Variants in ROPN1L observed in about 807,000 individuals in gnomAD.
The protein encoded by ROPN1L is ropporin-1-like protein.
ROPN1L carries 23 observed loss-of-function variants against 22.7 expected under a neutral mutation model. That is an observed-to-expected ratio of 1.01 (90% confidence interval 0.73 to 1.43). The LOEUF (loss-of-function observed/expected upper bound fraction) is 1.43. ROPN1L is among the 40% of genes most tolerant of loss of function. The pLI is 0.00. For missense variants in ROPN1L, 271 were observed against 291.5 expected, an observed-to-expected ratio of 0.93 and a Z score of 0.51; for synonymous variants, 116 against 117.8, an observed-to-expected ratio of 0.98 and a Z score of 0.10.
At chr5:10,475,269 C>T (rs904394198), downstream of ROPN1L, among the ~76,000 whole-genome samples, 1 of 152,214 alleles carries the variant, frequency 6.6e-6, no homozygotes, top group South Asian at 2.1e-4. Flanking sequence ...AAGGGGATTT[C>T]TCTGGGTGTA....
intron 4 of ROPN1L, among the ~76,000 whole-genome samples, chr5:10,463,271 G>A (rs1735075926): frequency 6.6e-6 from 1 of 152,222 alleles, no homozygotes; most frequent in Admixed American, 6.5e-5. Context: ...AAGATGCAGA[G>A]TAAAAAGGAA....
At chr5:10,474,050 G>T (rs1207085570), downstream of ROPN1L, among the ~76,000 whole-genome samples, 1 of 151,990 alleles carries the variant, frequency 6.6e-6, no homozygotes. Flanking sequence ...TACTCAGGAG[G>T]CTGAGGCACA....
downstream of ROPN1L, among the ~76,000 whole-genome samples, chr5:10,467,661 A>C (rs1024517542): frequency 1.2e-4 from 19 of 152,222 alleles, no homozygotes; most frequent in Non-Finnish European, 1.5e-5. Flanking sequence ...CTGCTACCTG[A>C]GGAGATTTTA....
In ROPN1L at chr5:10,442,133, G is replaced by C; in HGVS notation, c.-35G>C. ...CCGCCCTTCTTCCTCGCAGCGCGCC[G>C]CGATTCACCAGCCTGGTCCCTTCTG... On this transcript the variant is annotated 5_prime_UTR_variant, in exon 1 of 5. Transcript: ENST00000274134. 6.3e-7 allele frequency: 1 copy of C among 1,586,072 alleles called. No individual in the cohort carries two copies. The highest frequency in any genetic ancestry group is 8.6e-7 in the Non-Finnish European group (1 of 1,159,034).
At chr5:10,474,285 C>T (rs1489206506), downstream of ROPN1L, among the ~76,000 whole-genome samples, 3 of 152,184 alleles carry the variant, frequency 2.0e-5, no homozygotes, top group African/African-American at 4.8e-5. Flanking sequence ...ATTGAATCTC[C>T]TTCCTTGAGT....
chr5:10,464,208 C>G (rs1295546862), intron 4 of ROPN1L, among the ~76,000 whole-genome samples: 1 of 152,208 alleles, frequency 6.6e-6, no homozygotes, highest in Middle Eastern at 3.2e-3. Context: ...TTTCCTCCTT[C>G]CTCTGTCATC....
At chr5:10,444,510 C>G (rs536994463) in intron 1 of ROPN1L, among the ~76,000 whole-genome samples, 1 of 150,382 alleles carries the variant, frequency 6.6e-6, no homozygotes, top group Non-Finnish European at 1.5e-5. Context: ...AGGCTAGTCT[C>G]GAACTCCTGA....
Position 10,448,388 on chromosome 5 carries a change from G to C in ROPN1L, c.255+5G>C, listed in dbSNP as rs757945543. On this transcript the variant is annotated splice_donor_5th_base_variant and intron_variant, in intron 2 of 4. Transcript: ENST00000274134. ...CTGAAAGTTTTGCACAAGCAGGTATGGGGGGGCGTAGTCTCTGGCCTCAGG... is the reference window on the plus strand; with the variant it reads ...CTGAAAGTTTTGCACAAGCAGGTATCGGGGGGCGTAGTCTCTGGCCTCAGG... 2.4e-5 allele frequency: 39 copies of C among 1,613,594 alleles called. No individual in the cohort carries two copies. The highest frequency in any genetic ancestry group is 1.7e-4 in the Middle Eastern group (1 of 6,034).
At chr5:10,473,085 C>T (rs1012556976), downstream of ROPN1L, among the ~76,000 whole-genome samples, 3 of 152,216 alleles carry the variant, frequency 2.0e-5, no homozygotes, top group African/African-American at 7.2e-5. Flanking sequence ...TCCAGGCTTA[C>T]ACAATATCAG....
At chr5:10,474,570 G>A (rs974999261), downstream of ROPN1L, among the ~76,000 whole-genome samples, 12 of 152,224 alleles carry the variant, frequency 7.9e-5, no homozygotes, top group Admixed American at 7.9e-4. Context: ...CCAATGACCT[G>A]GATGAGTTGG....
At chr5:10,455,631 C>A (rs1741393234) in intron 3 of ROPN1L, among the ~76,000 whole-genome samples, 1 of 152,240 alleles carries the variant, frequency 6.6e-6, no homozygotes, top group Non-Finnish European at 1.5e-5. Flanking sequence ...GGATATCACA[C>A]CCCAGCCACG....
At chr5:10,451,009 T>A (rs1382469384) in intron 3 of ROPN1L, among the ~76,000 whole-genome samples, 1 of 152,206 alleles carries the variant, frequency 6.6e-6, no homozygotes, top group Non-Finnish European at 1.5e-5. Flanking sequence ...GCTAAAGTCT[T>A]GCTGTGAGAC....
intron 4 of ROPN1L, among the ~76,000 whole-genome samples, chr5:10,464,298 C>A (rs1386089766): frequency 6.6e-6 from 1 of 152,202 alleles, no homozygotes; most frequent in Non-Finnish European, 1.5e-5. Context: ...ATTCTTGACA[C>A]CATCCTGGCT....
chr5:10,474,447 G>T (rs1170911163), downstream of ROPN1L, among the ~76,000 whole-genome samples: 1 of 152,194 alleles, frequency 6.6e-6, no homozygotes, highest in Non-Finnish European at 1.5e-5. Context: ...TCACTGCGAG[G>T]GCACCAGGTG....
At position 10,442,200 on chromosome 5, in the gene ROPN1L, G is replaced by C; in HGVS notation, c.33G>C (p.Gln11His). 1 of 1,613,830 alleles carries C rather than the reference G, an allele frequency of 6.2e-7. No homozygotes were observed. The highest frequency in any genetic ancestry group is 8.5e-7 in the Non-Finnish European group (1 of 1,179,898). ...TTCCCGACACCATGTTCTGCGCTCAGCAGATCCACATTCCCCCGGAGCTGC... is the reference window on the plus strand; with the variant it reads ...TTCCCGACACCATGTTCTGCGCTCACCAGATCCACATTCCCCCGGAGCTGC... MPLPDTMFCAQQIHIPPELPD... is the reference protein window; with the variant it reads MPLPDTMFCAHQIHIPPELPD... The change falls in exon 1 of 5, where the codon CAG (glutamine) becomes CAC (histidine). Residue 11 changes from glutamine to histidine, a missense_variant. Physicochemically the swap from Gln to His is conservative, Grantham distance 24 (BLOSUM62 0). Transcript: ENST00000274134.
chr5:10,477,153 C>G, the ROPN1L span, among the ~76,000 whole-genome samples: 2 of 152,198 alleles, frequency 1.3e-5, no homozygotes, highest in African/African-American at 2.4e-5. Flanking sequence ...AAATATTTTT[C>G]TTTTTGAACT....
chr5:10,444,407 C>A (rs2126425506), intron 1 of ROPN1L, among the ~76,000 whole-genome samples: 2 of 152,214 alleles, frequency 1.3e-5, no homozygotes, highest in South Asian at 4.1e-4. Flanking sequence ...TCTCCTGCCT[C>A]AGCCTCCCAA....
rs770587892 is a variant in ROPN1L at position 10,448,222 on chromosome 5, G to A, written c.132-38G>A. 6 of 1,610,262 alleles carry A rather than the reference G, an allele frequency of 3.7e-6. No individual in the cohort carries two copies. In the South Asian group the frequency reaches 5.5e-5, roughly 15 times the overall value. On this transcript the variant is annotated intron_variant, in intron 1 of 4. Transcript: ENST00000274134. ...ATTGGATCGCATAGCTGTTTTTTGTGTATTGATGAGCTTTCAGAGATGTCT... is the reference window on the plus strand; with the variant it reads ...ATTGGATCGCATAGCTGTTTTTTGTATATTGATGAGCTTTCAGAGATGTCT...
intron 1 of ROPN1L, 24 bp downstream of exon 1, chr5:10,442,322 C>T: frequency 1.2e-6 from 2 of 1,610,530 alleles, no homozygotes; most frequent in Non-Finnish European, 1.7e-6. Flanking sequence ...GCCCGGGGAG[C>T]TGTCCGGTCT....
Sources: allele counts gnomAD v4.1 joint callset (sites outside exome capture counted in the v4.1 genomes callset), GRCh38; gene constraint gnomAD v4.1.1; transcripts MANE v1.5; gene names NCBI Gene and HGNC (gene_info 2026-07-23, HGNC 2026-07-21).